Variants in LIMS1 observed in about 807,000 individuals in gnomAD.
The protein encoded by LIMS1 is LIM zinc finger domain containing 1.
A neutral mutation model predicts 44.1 loss-of-function variants in LIMS1; 18 were observed. The observed-to-expected ratio is 0.41, with a 90% CI of 0.28 to 0.61. The LOEUF (loss-of-function observed/expected upper bound fraction) is 0.61. Ranked by LOEUF, LIMS1 falls within the 20% of genes least tolerant of loss-of-function variation. LIMS1 has a pLI of 0.32. For synonymous variants in LIMS1, 93 were observed against 149.1 expected, an observed-to-expected ratio of 0.62 and a Z score of 2.74; for missense variants, 201 against 422.0, an observed-to-expected ratio of 0.48 and a Z score of 4.59.
At chr2:108,669,925 G>A (rs1692054165) in intron 2 of LIMS1, among the ~76,000 whole-genome samples, 1 of 152,108 alleles carries the variant, frequency 6.6e-6, no homozygotes, top group East Asian at 1.9e-4. Flanking sequence ...TGTCTTGCTT[G>A]TCCTATACTA....
intron 9 of LIMS1, among the ~76,000 whole-genome samples, chr2:108,682,764 A>T (rs1357248772): frequency 6.6e-6 from 1 of 152,222 alleles, no homozygotes; most frequent in Non-Finnish European, 1.5e-5. Flanking sequence ...CTAGTTTAAT[A>T]TAATGTTTAA....
intron 1 of LIMS1, among the ~76,000 whole-genome samples, chr2:108,650,413 C>CTTTTTTTTTT (rs113015874): frequency 7.6e-5 from 11 of 145,174 alleles, no homozygotes; most frequent in Non-Finnish European, 7.6e-5. Flanking sequence ...CTTTTCTTTT[C>CTTTTTTTTTT]TTTTTTTTTT....
intron 1 of LIMS1, among the ~76,000 whole-genome samples, chr2:108,646,176 T>C (rs900606410): frequency 1.3e-5 from 2 of 152,176 alleles, no homozygotes; most frequent in African/African-American, 4.8e-5. Flanking sequence ...ATCAGCAGAA[T>C]ATACACTCTT....
chr2:108,575,346 C>T (rs1235038350), intron 1 of LIMS1, among the ~76,000 whole-genome samples: 3 of 152,262 alleles, frequency 2.0e-5, no homozygotes, highest in East Asian at 1.9e-4. Context: ...AGTTAGCCAA[C>T]GTGGTGTTGA....
At position 108,636,561 on chromosome 2, in the gene LIMS1, CAA is replaced by C. The variant is rs370854904; in HGVS notation, c.33-23042_33-23041del. ...AGGTCTCAGTGCTGCTCATAGAGGACAAAGATTCACAGAGGTAGCAGTAACTG... is the reference window on the plus strand; with the variant it reads ...AGGTCTCAGTGCTGCTCATAGAGGACAGATTCACAGAGGTAGCAGTAACTG... On this transcript the variant is annotated intron_variant, in intron 1 of 9. Transcript: ENST00000544547. Among the ~76,000 whole-genome samples the C allele has an allele frequency of 4.7e-3, 720 of 152,294 alleles. 6 individuals are homozygous for C. The highest frequency in any genetic ancestry group is 0.014 in the African/African-American group (575 of 41,548).
At chr2:108,583,234 G>A (rs548107856) in intron 1 of LIMS1, among the ~76,000 whole-genome samples, 33 of 150,348 alleles carry the variant, frequency 2.2e-4, no homozygotes, top group African/African-American at 7.3e-4. Flanking sequence ...AGTAGAGAGG[G>A]GTCTCACCAT....
intron 1 of LIMS1, among the ~76,000 whole-genome samples, chr2:108,589,177 G>A (rs1686250877): frequency 1.3e-5 from 2 of 150,592 alleles, no homozygotes; most frequent in African/African-American, 2.4e-5. Context: ...CATGTAAAAC[G>A]CTGTTTAAAA....
chr2:108,629,807 A>C (rs1375109964), intron 1 of LIMS1, among the ~76,000 whole-genome samples: 1 of 152,192 alleles, frequency 6.6e-6, no homozygotes, highest in African/African-American at 2.4e-5. Context: ...AGAGAAGGCT[A>C]TGTGGCCTAG....
chr2:108,554,238 G>A (rs1194314675), intron 1 of LIMS1, among the ~76,000 whole-genome samples: 1 of 152,192 alleles, frequency 6.6e-6, no homozygotes, highest in Admixed American at 6.5e-5. Context: ...TTGAGATCCT[G>A]TGGAAAATCT....
intron 1 of LIMS1, among the ~76,000 whole-genome samples, chr2:108,556,866 G>C (rs147103237): frequency 8.7e-4 from 133 of 152,322 alleles, no homozygotes; most frequent in African/African-American, 3.0e-3. Flanking sequence ...CAGTCAAGCA[G>C]CTGACCAATC....
chr2:108,573,447 C>T (rs1030924579), intron 1 of LIMS1, among the ~76,000 whole-genome samples: 2 of 152,082 alleles, frequency 1.3e-5, no homozygotes, highest in African/African-American at 2.4e-5. Context: ...GAATACTTAA[C>T]GATACACCAG....
In LIMS1 at chr2:108,617,165, G is replaced by A. The variant is rs546897398; in HGVS notation, c.33-42440G>A. Among the ~76,000 whole-genome samples, 37 of 152,266 alleles carry A rather than the reference G, an allele frequency of 2.4e-4. No individual in the cohort carries two copies. In the South Asian group the frequency reaches 6.9e-3, roughly 28 times the overall value. On this transcript the variant is annotated intron_variant, in intron 1 of 9. Coordinates refer to ENST00000544547, the Ensembl canonical transcript of LIMS1. ...ACCAGCTTGCAGCTTTCTTAACTCT[G>A]TATAGGAGAAATAATTGATGATTCA... is the stretch of plus-strand genomic sequence containing the variant.
intron 1 of LIMS1, among the ~76,000 whole-genome samples, chr2:108,644,988 T>C (rs2148929281): frequency 6.6e-6 from 1 of 151,876 alleles, no homozygotes; most frequent in South Asian, 2.1e-4. Flanking sequence ...CTCCAAGAAA[T>C]ATGGGACTAT....
chr2:108,611,389 A>G (rs1377316989), intron 1 of LIMS1, among the ~76,000 whole-genome samples: 1 of 152,204 alleles, frequency 6.6e-6, no homozygotes, highest in Non-Finnish European at 1.5e-5. Context: ...GGAAGGAATA[A>G]TCAGAGCCTT....
At chr2:108,630,071 G>T (rs1044852533) in intron 1 of LIMS1, among the ~76,000 whole-genome samples, 2 of 151,996 alleles carry the variant, frequency 1.3e-5, no homozygotes, top group African/African-American at 4.8e-5. Flanking sequence ...GCGTGCACCT[G>T]TAGTCCTGGC....
chr2:108,662,172 C>G (rs530471014), intron 2 of LIMS1: 449 of 1,611,986 alleles, frequency 2.8e-4, no homozygotes, highest in Non-Finnish European at 3.5e-4. Flanking sequence ...CCCCTGTGAG[C>G]ACCCTGTAGC....
At chr2:108,681,451 G>A (rs1429766020) in intron 9 of LIMS1, 2 of 973,644 alleles carry the variant, frequency 2.1e-6, no homozygotes, top group Non-Finnish European at 2.4e-6. Context: ...GGATTTAAAG[G>A]GAAGAATTCT....
chr2:108,608,512 G>A (rs1687403772), intron 1 of LIMS1, among the ~76,000 whole-genome samples: 1 of 152,036 alleles, frequency 6.6e-6, no homozygotes, highest in African/African-American at 2.4e-5. Flanking sequence ...CACCATGTTG[G>A]CCATGATGGT....
At chr2:108,572,041 A>G (rs1685496599) in intron 1 of LIMS1, among the ~76,000 whole-genome samples, 1 of 152,230 alleles carries the variant, frequency 6.6e-6, no homozygotes, top group African/African-American at 2.4e-5. Context: ...AATAATATAC[A>G]TGAATGCATG....
Sources: gnomAD v4.1 joint callset for allele counts (sites outside exome capture counted in the v4.1 genomes callset) on GRCh38, gnomAD v4.1.1 for gene constraint, MANE v1.5 for transcripts, NCBI Gene and HGNC (gene_info 2026-07-23, HGNC 2026-07-21) for gene names.